Variants in AKAP19 observed in about 807,000 individuals in gnomAD.
AKAP19 encodes the protein A-kinase anchoring protein 19.
At chr2:190,009,079 C>T in the AKAP19 span, among the ~76,000 whole-genome samples, 1 of 151,994 alleles carries the variant, frequency 6.6e-6, no homozygotes, top group African/African-American at 2.4e-5. Flanking sequence ...AGATATCTGG[C>T]ATTGTGAGGA....
the AKAP19 span, among the ~76,000 whole-genome samples, chr2:190,048,100 T>A: frequency 1.3e-5 from 2 of 152,160 alleles, no homozygotes; most frequent in East Asian, 3.8e-4. Flanking sequence ...TTCGCATTTA[T>A]CTGATTTGAT....
chr2:190,095,979 A>C, the AKAP19 span, among the ~76,000 whole-genome samples: 1 of 152,172 alleles, frequency 6.6e-6, no homozygotes, highest in Non-Finnish European at 1.5e-5. Flanking sequence ...GACAGACTGA[A>C]ACCACATCAG....
chr2:189,889,634 A>G, the AKAP19 span, among the ~76,000 whole-genome samples: 1 of 152,122 alleles, frequency 6.6e-6, no homozygotes, highest in African/African-American at 2.4e-5. Context: ...CAGGGATTCA[A>G]CTTCTTCCTG....
the AKAP19 span, among the ~76,000 whole-genome samples, chr2:189,966,794 A>T: frequency 6.6e-6 from 1 of 152,324 alleles, no homozygotes; most frequent in Non-Finnish European, 1.5e-5. Context: ...GAACGTGCAT[A>T]GAGATATATA....
the AKAP19 span, among the ~76,000 whole-genome samples, chr2:190,092,969 C>T: frequency 5.9e-5 from 9 of 151,988 alleles, no homozygotes; most frequent in African/African-American, 2.2e-4. Flanking sequence ...CCAGAAATAC[C>T]CTGTTGTAAA....
At chr2:190,034,723 G>A in the AKAP19 span, among the ~76,000 whole-genome samples, 1 of 151,296 alleles carries the variant, frequency 6.6e-6, no homozygotes, top group African/African-American at 2.4e-5. Flanking sequence ...GCGCATGCCT[G>A]TAGTGCCAGC....
At chr2:190,090,334 G>A in the AKAP19 span, among the ~76,000 whole-genome samples, 1 of 152,180 alleles carries the variant, frequency 6.6e-6, no homozygotes, top group African/African-American at 2.4e-5. Context: ...CTGAGACTAG[G>A]TCATAAAGGG....
At chr2:190,008,709 G>A in the AKAP19 span, among the ~76,000 whole-genome samples, 3 of 149,058 alleles carry the variant, frequency 2.0e-5, no homozygotes, top group African/African-American at 7.4e-5. Flanking sequence ...GGCTATGTCA[G>A]TGAATAAAAG....
At chr2:189,928,084 A>G in the AKAP19 span, among the ~76,000 whole-genome samples, 6 of 152,180 alleles carry the variant, frequency 3.9e-5, no homozygotes, top group African/African-American at 1.4e-4. Flanking sequence ...GGAATTGTTT[A>G]CAGAATTAAT....
the AKAP19 span, among the ~76,000 whole-genome samples, chr2:190,106,533 A>T: frequency 6.6e-6 from 1 of 152,106 alleles, no homozygotes; most frequent in African/African-American, 2.4e-5. Flanking sequence ...GCACTTGACC[A>T]TTAGTAGTCT....
the AKAP19 span, among the ~76,000 whole-genome samples, chr2:189,963,677 G>A: frequency 6.6e-5 from 10 of 152,088 alleles, no homozygotes; most frequent in Admixed American, 5.9e-4. Context: ...GTTCTTAATG[G>A]CATCTAGAAT....
the AKAP19 span, among the ~76,000 whole-genome samples, chr2:189,968,252 T>C: frequency 3.3e-5 from 5 of 152,222 alleles, no homozygotes; most frequent in Non-Finnish European, 5.9e-5. Context: ...ATTTACTTAT[T>C]GTAGAGACAG....
the AKAP19 span, among the ~76,000 whole-genome samples, chr2:190,194,395 A>G: frequency 1.3e-5 from 2 of 151,440 alleles, no homozygotes; most frequent in African/African-American, 4.9e-5. Flanking sequence ...ATTTTTTAAA[A>G]AAATAATAGA....
At chr2:190,004,580 TTTA>T in the AKAP19 span, among the ~76,000 whole-genome samples, 8 of 143,696 alleles carry the variant, frequency 5.6e-5, no homozygotes, top group South Asian at 1.1e-3. Flanking sequence ...TATAAACCTT[TTTA>T]TTTTTTTTTT....
the AKAP19 span, among the ~76,000 whole-genome samples, chr2:190,187,409 CTTTTTTTT>C: frequency 7.6e-6 from 1 of 131,290 alleles, no homozygotes; most frequent in African/African-American, 2.9e-5. Flanking sequence ...TTAGAAGTTA[CTTTTTTTT>C]TTTTTTTTTG....
chr2:190,157,393 C>CAT, the AKAP19 span, among the ~76,000 whole-genome samples: 4 of 149,234 alleles, frequency 2.7e-5, no homozygotes, highest in South Asian at 4.3e-4. Flanking sequence ...CACACACACA[C>CAT]ATATCACAGG....
chr2:189,975,397 T>C, the AKAP19 span, among the ~76,000 whole-genome samples: 1 of 152,232 alleles, frequency 6.6e-6, no homozygotes, highest in African/African-American at 2.4e-5. Flanking sequence ...GACCTTTCTC[T>C]CTGGCTGCCC....
chr2:190,199,806 G>T, the AKAP19 span: 4 of 1,580,746 alleles, frequency 2.5e-6, no homozygotes, highest in South Asian at 4.7e-5. Context: ...GTTTTCTAAA[G>T]ATGGCCTGGA....
the AKAP19 span, among the ~76,000 whole-genome samples, chr2:189,887,160 G>A: frequency 1.3e-5 from 2 of 151,974 alleles, no homozygotes; most frequent in Non-Finnish European, 2.9e-5. Context: ...CCGCTGACAG[G>A]CCCCAGTGTG....
Sources: allele counts gnomAD v4.1 joint callset (sites outside exome capture counted in the v4.1 genomes callset), GRCh38; gene constraint gnomAD v4.1.1; transcripts MANE v1.5; gene names NCBI Gene and HGNC (gene_info 2026-07-23, HGNC 2026-07-21).